Variants in CAMK2A observed in about 807,000 individuals in gnomAD.
CAMK2A encodes calcium/calmodulin dependent protein kinase II alpha, also known as calcium/calmodulin-dependent protein kinase type II subunit alpha.
Under a neutral mutation model 79.2 loss-of-function variants are expected in CAMK2A, and 7 were observed. That is an observed-to-expected ratio of 0.09 (90% CI 0.05 to 0.17). The LOEUF (loss-of-function observed/expected upper bound fraction) is 0.17, where lower values mean the gene tolerates loss of function less well. CAMK2A is among the 10% of genes least tolerant of loss of function. The pLI, the probability that CAMK2A is intolerant of heterozygous loss-of-function variation, is 1.00. For synonymous variants in CAMK2A, 242 were observed against 251.7 expected (o/e 0.96, Z 0.36); for missense variants, 214 against 646.4 (o/e 0.33, Z 7.25).
intron 2 of CAMK2A, among the ~76,000 whole-genome samples, chr5:150,265,869 A>G (rs1403611318): frequency 6.7e-6 from 1 of 150,128 alleles, no homozygotes; most frequent in Non-Finnish European, 1.5e-5. Flanking sequence ...TTGAAGATGG[A>G]GGTTGGAGTG....
intron 15 of CAMK2A, among the ~76,000 whole-genome samples, chr5:150,233,521 CCTCT>C (rs1446923815): frequency 6.6e-6 from 1 of 152,180 alleles, no homozygotes; most frequent in Non-Finnish European, 1.5e-5. Context: ...TGTTGCTGCA[CCTCT>C]CTCTCTGGGG....
rs751203993 is a variant in CAMK2A at position 150,256,727 on chromosome 5, G to A, written c.338+39C>T. 8 of 1,609,818 alleles carry A rather than the reference G, an allele frequency of 5.0e-6. No individual in the cohort carries two copies. The African/African-American group carries it at 1.1e-4, about 22-fold the overall frequency. On this transcript the variant is annotated intron_variant, in intron 5 of 18. Coordinates refer to ENST00000671881, the MANE Select transcript of CAMK2A (RefSeq NM_015981.4). This position sits in a 1 kb window ranked among gnomAD's most constrained non-coding sequence, Gnocchi z 4.6. ...AGCTGACAGCAGGCAAGAGTGCCCT[G>A]TCCCCGGGTGCCATTGCCAGGCAGC...
intron 1 of CAMK2A, among the ~76,000 whole-genome samples, chr5:150,286,125 C>T (rs765045667): frequency 6.6e-5 from 10 of 152,142 alleles, no homozygotes; most frequent in South Asian, 2.1e-4. Flanking sequence ...GCTTCGGTGC[C>T]GCTAGGATCT....
At chr5:150,285,166 C>G (rs1197635973) in intron 1 of CAMK2A, among the ~76,000 whole-genome samples, 2 of 152,142 alleles carry the variant, frequency 1.3e-5, no homozygotes, top group Non-Finnish European at 1.5e-5. Flanking sequence ...CAGTCACGAT[C>G]CCTCTCAGCA....
At chr5:150,281,314 C>T (rs1757205867) in intron 1 of CAMK2A, among the ~76,000 whole-genome samples, 1 of 152,232 alleles carries the variant, frequency 6.6e-6, no homozygotes, top group Non-Finnish European at 1.5e-5. Context: ...GCATCCAAAA[C>T]CCCTTGGTGG....
At chr5:150,231,526 G>A (rs1754841866) in intron 15 of CAMK2A, 146 bp from the exon 16 acceptor site, 1 of 332,476 alleles carries the variant, frequency 3.0e-6, no homozygotes, top group African/African-American at 2.2e-5. Context: ...AAGACCTCAT[G>A]CAGATGATCT....
intron 1 of CAMK2A, among the ~76,000 whole-genome samples, chr5:150,277,540 C>T (rs1457268365): frequency 6.6e-6 from 1 of 152,236 alleles, no homozygotes; most frequent in Non-Finnish European, 1.5e-5. Context: ...TGAAGTTCCT[C>T]TTCAGAACAG....
intron 6 of CAMK2A, among the ~76,000 whole-genome samples, chr5:150,254,835 T>A (rs1755986878): frequency 6.6e-6 from 1 of 152,226 alleles, no homozygotes; most frequent in Non-Finnish European, 1.5e-5. Flanking sequence ...GTGTAAGCAC[T>A]TCGCTGTGGC....
At chr5:150,237,070 T>C (rs1755104226) in intron 15 of CAMK2A, among the ~76,000 whole-genome samples, 1 of 152,046 alleles carries the variant, frequency 6.6e-6, no homozygotes, top group Non-Finnish European at 1.5e-5. Context: ...TCACAGAAGA[T>C]GGATTTGCTC....
chr5:150,251,480 T>C (rs908759489), intron 9 of CAMK2A, among the ~76,000 whole-genome samples: 2 of 152,222 alleles, frequency 1.3e-5, no homozygotes, highest in Admixed American at 6.5e-5. Flanking sequence ...TAGCTATTAT[T>C]ATTTGTATAT....
At chr5:150,226,695 C>G (rs532043938) in intron 17 of CAMK2A, among the ~76,000 whole-genome samples, 1 of 126,252 alleles carries the variant, frequency 7.9e-6, no homozygotes, top group East Asian at 2.6e-4. Flanking sequence ...CAAGATCGTG[C>G]CACTGCACTC....
At chr5:150,264,860 G>A (rs1367784078) in intron 3 of CAMK2A, 96 bp downstream of exon 3, 3 of 887,292 alleles carry the variant, frequency 3.4e-6, no homozygotes, top group East Asian at 4.9e-5. Context: ...GAAGAGAGCA[G>A]CTGCTCTCCA....
In CAMK2A at chr5:150,228,199, A is replaced by C; in HGVS notation, c.1230T>G (p.Phe410Leu). The change falls in exon 17 of 19, where the codon TTT (phenylalanine) becomes TTG (leucine). Residue 410 changes from phenylalanine (F) to leucine (L), a missense_variant. Transcript: ENST00000671881. ...VEGLDFHRFY[F>L]ENLWSRNSKP... ...AGAGAAGGAATTGCTCACGGTTTTC[A>C]AAATAGAATCGATGGAAGTCCAGGC... 6.2e-7 allele frequency: 1 copy of C among 1,612,896 alleles called. No individual in the cohort carries two copies. Among genetic ancestry groups the C allele is most frequent in the Non-Finnish European group, 8.5e-7 (1 of 1,179,326 alleles).
At chr5:150,254,576 A>T (rs1755973461) in intron 6 of CAMK2A, among the ~76,000 whole-genome samples, 1 of 152,132 alleles carries the variant, frequency 6.6e-6, no homozygotes, top group Non-Finnish European at 1.5e-5. Flanking sequence ...CTGGGCATCG[A>T]GGCTGCTGCT....
intron 7 of CAMK2A, among the ~76,000 whole-genome samples, chr5:150,252,693 C>T (rs73281770): frequency 0.078 from 11,810 of 152,226 alleles, 1,498 homozygotes; most frequent in African/African-American, 0.26. Flanking sequence ...CTTTTAAGAA[C>T]ACTTACAAGT....
chr5:150,222,677 G>A lies in CAMK2A; in HGVS notation c.*33C>T, dbSNP rs755226405. The A allele has an allele frequency of 8.7e-6, 14 of 1,612,990 alleles. No individual in the cohort carries two copies. The highest frequency in any genetic ancestry group is 3.3e-5 in the Admixed American group (2 of 60,004). On this transcript the variant is annotated 3_prime_UTR_variant, in exon 19 of 19. Transcript: ENST00000671881. The stretch of plus-strand genomic sequence containing the variant: ...CTCCACGGACAGAGTGGATCTCTGC[G>A]GCACAGCAACGCAGCGACCCCAGCC...
intron 3 of CAMK2A, among the ~76,000 whole-genome samples, chr5:150,260,337 T>C (rs1329364116): frequency 6.6e-6 from 1 of 151,036 alleles, no homozygotes; most frequent in East Asian, 2.0e-4. Flanking sequence ...TGGGCACCTG[T>C]AGTCCCAGCT....
chr5:150,242,663 G>A (rs1407379090), intron 13 of CAMK2A, among the ~76,000 whole-genome samples: 1 of 152,146 alleles, frequency 6.6e-6, no homozygotes, highest in African/African-American at 2.4e-5. Context: ...CAACAGAATC[G>A]CTGGCCTGGG....
rs145916509 is a variant in CAMK2A at position 150,222,197 on chromosome 5, C to T, written c.*513G>A. 44 of 403,000 alleles carry T rather than the reference C, an allele frequency of 1.1e-4. No homozygotes were observed. The East Asian group carries it at 2.1e-3, about 19-fold the overall frequency. The allele number at this position is 403,000 out of a possible 1,614,324, so 25.0% of individuals were successfully genotyped here. On this transcript the variant is annotated 3_prime_UTR_variant, in exon 19 of 19. Coordinates refer to ENST00000671881, the MANE Select transcript of CAMK2A (RefSeq NM_015981.4). ...TAGGGGAGCACTTTGAGGCAGGAGGCTCCTGGCGTATGCTCTTCTCCCCAC... is the reference window on the plus strand; with the variant it reads ...TAGGGGAGCACTTTGAGGCAGGAGGTTCCTGGCGTATGCTCTTCTCCCCAC...
Sources: gnomAD v4.1 joint callset for allele counts (sites outside exome capture counted in the v4.1 genomes callset) on GRCh38, gnomAD v4.1.1 for gene constraint, Gnocchi (gnomAD v3.1) non-coding constraint, MANE v1.5 for transcripts, NCBI Gene and HGNC (gene_info 2026-07-23, HGNC 2026-07-21) for gene names.